The following RAB22A variants were observed in gnomAD, a reference collection of about 807,000 sequenced individuals.
RAB22A encodes the protein ras-related protein Rab-22A.
A neutral mutation model predicts 30.2 loss-of-function variants in RAB22A; 13 were observed. That is an observed-to-expected ratio of 0.43 (90% CI 0.28 to 0.68). The LOEUF is 0.68. Among genes scored for constraint, RAB22A ranks in the 30% least tolerant of loss-of-function variants. The probability of loss-of-function intolerance (pLI) is 0.18; values close to 1 mark genes in which losing one functional copy is unlikely to be tolerated. For synonymous variants in RAB22A, 89 were observed against 87.2 expected (o/e 1.02, Z -0.11); for missense variants, 177 against 246.8 (o/e 0.72, Z 1.89).
chr20:58,366,473 A>G lies in RAB22A; in HGVS notation c.*6770A>G, dbSNP rs2122982220. ...ATTTGAAAACAGCTAGAAGAATAAG[A>G]ATATTCCCAACACAAAGAAAAGATA... On this transcript the variant is annotated 3_prime_UTR_variant, in exon 7 of 7. Coordinates refer to ENST00000244040, the MANE Select transcript of RAB22A (RefSeq NM_020673.3). The G allele has an allele frequency of 6.6e-6, 1 of 150,496 alleles. No individual in the cohort carries two copies. Among genetic ancestry groups the G allele is most frequent in the South Asian group, 2.1e-4 (1 of 4,732 alleles). The allele number at this position is 150,496 out of a possible 1,614,324, so 9.3% of individuals were successfully genotyped here.
intron 6 of RAB22A, among the ~76,000 whole-genome samples, chr20:58,356,775 T>C (rs906870329): frequency 2.6e-5 from 4 of 152,206 alleles, no homozygotes; most frequent in Admixed American, 2.6e-4. Flanking sequence ...CTGCATTACA[T>C]TTTTAGACCA....
chr20:58,337,512 C>T (rs1986778355), intron 2 of RAB22A, among the ~76,000 whole-genome samples: 1 of 152,132 alleles, frequency 6.6e-6, no homozygotes, highest in South Asian at 2.1e-4. Flanking sequence ...CATCACCATT[C>T]TCCTGCTCAC....
intron 3 of RAB22A, among the ~76,000 whole-genome samples, chr20:58,347,719 G>T (rs1600738614): frequency 6.6e-6 from 1 of 152,314 alleles, no homozygotes; most frequent in East Asian, 1.9e-4. Context: ...TCTCAAGATA[G>T]AGTCTTTGTG....
intron 3 of RAB22A, among the ~76,000 whole-genome samples, chr20:58,346,497 G>C (rs1986951364): frequency 6.6e-6 from 1 of 152,236 alleles, no homozygotes; most frequent in Non-Finnish European, 1.5e-5. Context: ...CTGGAGCCCA[G>C]CTGGCTCCTT....
At chr20:58,359,513 T>TTTTA in intron 6 of RAB22A, 93 bp from the exon 7 acceptor site, 3 of 650,484 alleles carry the variant, frequency 4.6e-6, no homozygotes, top group South Asian at 2.6e-5. Flanking sequence ...TTTTTTTTTT[T>TTTTA]ACTTCAGTGA....
At chr20:58,359,169 T>TA (rs1474508544) in intron 6 of RAB22A, among the ~76,000 whole-genome samples, 2 of 152,186 alleles carry the variant, frequency 1.3e-5, no homozygotes. Flanking sequence ...CTGAACTTTT[T>TA]AAAAAACAAA....
At chr20:58,326,344 T>G (rs1409173615) in intron 2 of RAB22A, among the ~76,000 whole-genome samples, 3 of 152,212 alleles carry the variant, frequency 2.0e-5, no homozygotes, top group Non-Finnish European at 4.4e-5. Context: ...GAGTTGATTT[T>G]AATCAATATA....
At chr20:58,317,974 G>A (rs1047705956) in intron 2 of RAB22A, among the ~76,000 whole-genome samples, 1 of 152,178 alleles carries the variant, frequency 6.6e-6, no homozygotes, top group Non-Finnish European at 1.5e-5. Context: ...TCTTGGCTCA[G>A]CCTCCTGAGT....
chr20:58,349,423 A>T (rs1273878732), intron 3 of RAB22A, among the ~76,000 whole-genome samples: 3 of 152,160 alleles, frequency 2.0e-5, no homozygotes, highest in Non-Finnish European at 4.4e-5. Context: ...CAGAAAAGGG[A>T]TTCAACAAGG....
intron 2 of RAB22A, among the ~76,000 whole-genome samples, chr20:58,323,712 C>T (rs1219465300): frequency 1.3e-5 from 2 of 150,840 alleles, no homozygotes; most frequent in East Asian, 3.9e-4. Flanking sequence ...TCAAGTGATC[C>T]TCCTGCCTCA....
intron 2 of RAB22A, among the ~76,000 whole-genome samples, chr20:58,316,777 A>G (rs1475503504): frequency 6.6e-6 from 1 of 151,950 alleles, no homozygotes; most frequent in Non-Finnish European, 1.5e-5. Context: ...GAGCTCGTGA[A>G]CTCTCTCTCA....
chr20:58,311,040 C>A lies in RAB22A; in HGVS notation c.37-3C>A. On this transcript the variant is annotated splice_region_variant and splice_polypyrimidine_tract_variant and intron_variant, in intron 1 of 6. Coordinates refer to ENST00000244040, the MANE Select transcript of RAB22A (RefSeq NM_020673.3). ...CTCAGTCCCTCATCTCGTTCTCTTT[C>A]AGGATACAGGTGTAGGTAAATCGAG... is the stretch of plus-strand genomic sequence containing the variant. 6.3e-7 allele frequency: 1 copy of A among 1,596,470 alleles called. No homozygotes were observed. Among genetic ancestry groups the A allele is most frequent in the Non-Finnish European group, 8.6e-7 (1 of 1,163,958 alleles).
At chr20:58,311,204 T>C in intron 2 of RAB22A, 82 bp downstream of exon 2, 2 of 1,284,514 alleles carry the variant, frequency 1.6e-6, no homozygotes, top group Non-Finnish European at 2.3e-6. Context: ...GTGTAGGCCC[T>C]GCGCTTTGTA....
intron 2 of RAB22A, among the ~76,000 whole-genome samples, chr20:58,332,724 GA>G (rs200219074): frequency 0.015 from 2,316 of 152,166 alleles, 25 homozygotes; most frequent in Non-Finnish European, 0.02. Flanking sequence ...ACAATTGATG[GA>G]AGTGATCAAT....
intron 6 of RAB22A, 50 bp from the exon 7 acceptor site, chr20:58,359,556 G>A: frequency 1.7e-6 from 2 of 1,200,328 alleles, no homozygotes; most frequent in Admixed American, 2.2e-5. Flanking sequence ...AAATTGTTGT[G>A]TCTGAGAAAG....
intron 2 of RAB22A, among the ~76,000 whole-genome samples, chr20:58,337,472 T>C (rs1019549492): frequency 1.3e-5 from 2 of 152,214 alleles, no homozygotes; most frequent in African/African-American, 4.8e-5. Flanking sequence ...GTTCACAGGT[T>C]CTGAGGTTAA....
In RAB22A at chr20:58,350,131, C is replaced by T. The variant is rs547982435; in HGVS notation, c.199-3142C>T. Reference sequence around the variant, plus strand: ...AAAAAAAGGAGTGTTAATGACTTAACTGCAAATGGGGAATCTCACATAGAA... The same window carrying T: ...AAAAAAAGGAGTGTTAATGACTTAATTGCAAATGGGGAATCTCACATAGAA... On this transcript the variant is annotated intron_variant, in intron 3 of 6. Transcript: ENST00000244040. Among the ~76,000 whole-genome samples the T allele has an allele frequency of 1.4e-4, 21 of 151,714 alleles. No individual in the cohort carries two copies. The South Asian group carries it at 4.4e-3, about 32-fold the overall frequency.
rs940830900 is a variant in RAB22A at position 58,365,804 on chromosome 20, G to C, written c.*6101G>C. 1 of 152,236 alleles carries C rather than the reference G, an allele frequency of 6.6e-6. No individual in the cohort carries two copies. Among genetic ancestry groups the C allele is most frequent in the African/African-American group, 2.4e-5 (1 of 41,414 alleles). The allele number at this position is 152,236 out of a possible 1,614,324, so 9.4% of individuals were successfully genotyped here. ...AGCCACCTGAATAGCTAGGATTACA[G>C]GCGCCCGCCCCCACACCCGGCTAAT... On this transcript the variant is annotated 3_prime_UTR_variant, in exon 7 of 7. Coordinates refer to ENST00000244040, the MANE Select transcript of RAB22A (RefSeq NM_020673.3).
At chr20:58,329,848 C>G (rs1465322606) in intron 2 of RAB22A, among the ~76,000 whole-genome samples, 4 of 152,084 alleles carry the variant, frequency 2.6e-5, no homozygotes, top group Admixed American at 6.6e-5. Flanking sequence ...CTGTCTTTAT[C>G]TTAGTTGATT....
Sources: allele counts gnomAD v4.1 joint callset (sites outside exome capture counted in the v4.1 genomes callset), GRCh38; gene constraint gnomAD v4.1.1; transcripts MANE v1.5; gene names NCBI Gene and HGNC (gene_info 2026-07-23, HGNC 2026-07-21).